Variants in LARS2 observed in about 807,000 individuals in gnomAD.
The protein encoded by LARS2 is leucyl-tRNA synthetase 2, mitochondrial, also known as leucine--tRNA ligase, mitochondrial.
Under a neutral mutation model 116.6 loss-of-function variants are expected in LARS2, and 81 were observed. The observed-to-expected ratio is 0.69, with a 90% CI of 0.58 to 0.84. The LOEUF (loss-of-function observed/expected upper bound fraction) is 0.84, where lower values mean the gene tolerates loss of function less well. Among genes scored for constraint, LARS2 ranks in the 40% least tolerant of loss-of-function variants. The pLI is 0.00. For synonymous variants in LARS2, 396 were observed against 407.2 expected, an observed-to-expected ratio of 0.97 and a Z score of 0.33; for missense variants, 968 against 1,114.5, an observed-to-expected ratio of 0.87 and a Z score of 1.87.
intron 4 of LARS2, among the ~76,000 whole-genome samples, chr3:45,408,341 T>C (rs927209837): frequency 6.6e-6 from 1 of 152,244 alleles, no homozygotes; most frequent in African/African-American, 2.4e-5. Flanking sequence ...CCCTGTGTTT[T>C]TGTCATCAGT....
At chr3:45,431,144 A>G (rs934882079) in intron 6 of LARS2, among the ~76,000 whole-genome samples, 1 of 152,194 alleles carries the variant, frequency 6.6e-6, no homozygotes, top group African/African-American at 2.4e-5. Context: ...TCAAGAAGTC[A>G]AGACAGGCAA....
At chr3:45,496,405 T>C in intron 14 of LARS2, 32 bp downstream of exon 14, 1 of 1,499,348 alleles carries the variant, frequency 6.7e-7, no homozygotes, top group Non-Finnish European at 9.3e-7. Context: ...CTTTGAGCAT[T>C]TGTCAGTGTG....
chr3:45,499,474 T>G (rs1463744655), intron 14 of LARS2, among the ~76,000 whole-genome samples: 1 of 151,236 alleles, frequency 6.6e-6, no homozygotes, highest in African/African-American at 2.4e-5. Flanking sequence ...AAGAAAAAAT[T>G]AGCTGGGCAG....
intron 6 of LARS2, among the ~76,000 whole-genome samples, chr3:45,439,013 C>T (rs1348133157): frequency 6.6e-6 from 1 of 152,070 alleles, no homozygotes; most frequent in African/African-American, 2.4e-5. Context: ...CTGATCTTCA[C>T]TCTCTGTCCC....
chr3:45,516,783 G>T (rs1700374483), intron 17 of LARS2, among the ~76,000 whole-genome samples: 1 of 152,186 alleles, frequency 6.6e-6, no homozygotes, highest in African/African-American at 2.4e-5. Context: ...TGGGCCTGTT[G>T]TTACCTATGG....
At chr3:45,421,021 T>C (rs1698504402) in intron 6 of LARS2, 1 of 152,218 alleles carries the variant, frequency 6.6e-6, no homozygotes, top group African/African-American at 2.4e-5. Flanking sequence ...ATATTTTTTG[T>C]CTTGAATATT....
intron 5 of LARS2, 91 bp from the exon 6 acceptor site, chr3:45,419,578 T>C: frequency 1.0e-6 from 1 of 979,192 alleles, no homozygotes; most frequent in African/African-American, 1.7e-5. Context: ...AATTTAGACT[T>C]TTTCAGTTTC....
intron 4 of LARS2, among the ~76,000 whole-genome samples, chr3:45,415,919 AGAGAG>A (rs1425854954): frequency 1.3e-5 from 2 of 149,460 alleles, no homozygotes; most frequent in Non-Finnish European, 3.0e-5. Context: ...AGAGAGAGAG[AGAGAG>A]GCTATTTTAG....
intron 6 of LARS2, among the ~76,000 whole-genome samples, chr3:45,420,303 C>T (rs1698494833): frequency 6.6e-6 from 1 of 152,166 alleles, no homozygotes; most frequent in South Asian, 2.1e-4. Context: ...AAATTGTGAA[C>T]TGGGCCCTTC....
intron 3 of LARS2, 72 bp downstream of exon 3, chr3:45,394,759 C>T: frequency 1.0e-6 from 1 of 994,564 alleles, no homozygotes; most frequent in Non-Finnish European, 1.5e-6. Context: ...GTTAGACTAC[C>T]TGGTTCAAAT....
chr3:45,397,558 ATGTT>A (rs1698068620), intron 3 of LARS2, among the ~76,000 whole-genome samples: 2 of 152,242 alleles, frequency 1.3e-5, no homozygotes, highest in South Asian at 2.1e-4. Flanking sequence ...CAGGTGGAAA[ATGTT>A]TGGGGCAAGA....
chr3:45,400,317 C>G lies in LARS2; in HGVS notation c.307C>G (p.Arg103Gly). 5 of 1,613,826 alleles carry G rather than the reference C, an allele frequency of 3.1e-6. No individual in the cohort carries two copies. The highest frequency in any genetic ancestry group is 4.2e-6 in the Non-Finnish European group (5 of 1,179,836). ...TGGTAAGCTGCACATGGGCCATGTGCGTGTCTACACCATCAGCGACACCAT... is the reference window on the plus strand; with the variant it reads ...TGGTAAGCTGCACATGGGCCATGTGGGTGTCTACACCATCAGCGACACCAT... ...PSGKLHMGHV[R>G]VYTISDTIAR... Residue 103 changes from arginine (R) to glycine (G), a missense_variant, in exon 4 of 22, where the codon CGT becomes GGT. Arg to Gly is a moderately radical substitution (Grantham distance 125). Transcript: ENST00000645846.
At chr3:45,481,172 T>A (rs1023804478) in intron 10 of LARS2, among the ~76,000 whole-genome samples, 18 of 152,252 alleles carry the variant, frequency 1.2e-4, no homozygotes, top group African/African-American at 4.3e-4. Context: ...ATTGTCTGGC[T>A]CCTTTCACTT....
At chr3:45,402,602 T>C (rs1224040423) in intron 4 of LARS2, among the ~76,000 whole-genome samples, 1 of 152,226 alleles carries the variant, frequency 6.6e-6, no homozygotes, top group African/African-American at 2.4e-5. Flanking sequence ...AATTTTATGC[T>C]GAGCTGACAT....
At chr3:45,502,905 A>G (rs920273004) in intron 15 of LARS2, among the ~76,000 whole-genome samples, 1 of 152,074 alleles carries the variant, frequency 6.6e-6, no homozygotes, top group Non-Finnish European at 1.5e-5. Context: ...GATTAAACAT[A>G]CTATTTTATA....
chr3:45,494,792 G>A (rs1292684242), intron 13 of LARS2, among the ~76,000 whole-genome samples: 1 of 152,226 alleles, frequency 6.6e-6, no homozygotes, highest in Non-Finnish European at 1.5e-5. Flanking sequence ...TAGCAGCTGG[G>A]CATGATGGCT....
At chr3:45,492,156 G>A (rs766620426) in intron 13 of LARS2, among the ~76,000 whole-genome samples, 38 of 152,338 alleles carry the variant, frequency 2.5e-4, no homozygotes, top group Middle Eastern at 6.8e-3. Flanking sequence ...GTGGAGAGGG[G>A]AGAAAATGTT....
intron 21 of LARS2, among the ~76,000 whole-genome samples, chr3:45,544,493 T>C (rs1162346293): frequency 3.3e-5 from 5 of 152,160 alleles, no homozygotes; most frequent in South Asian, 2.1e-4. Flanking sequence ...AAAATCCTCT[T>C]AATACAGAGT....
rs979633354 is a variant in LARS2, at chr3:45,425,999, T to G, written c.516+6270T>G. 4.6e-5 allele frequency among the ~76,000 whole-genome samples: 7 copies of G among 151,770 alleles called. No homozygotes were observed. The South Asian group carries it at 1.5e-3, about 32-fold the overall frequency. On this transcript the variant is annotated intron_variant, in intron 6 of 21. Transcript: ENST00000645846. ...TCTTCCCACTGTCATGTTGTTACAG[T>G]AGTTTAGGAGCAGTGCTCTCTTTCC...
Sources: gnomAD v4.1 joint callset for allele counts (sites outside exome capture counted in the v4.1 genomes callset) on GRCh38, gnomAD v4.1.1 for gene constraint, MANE v1.5 for transcripts, NCBI Gene and HGNC (gene_info 2026-07-23, HGNC 2026-07-21) for gene names.